The following STK32C variants were observed in gnomAD, a reference collection of about 807,000 sequenced individuals.
STK32C encodes serine/threonine-protein kinase 32C.
Under a neutral mutation model 56.5 loss-of-function variants are expected in STK32C, and 31 were observed. That is an observed-to-expected ratio of 0.55 (90% CI 0.41 to 0.74). The LOEUF is 0.74. STK32C is among the 30% of genes least tolerant of loss of function. The probability of loss-of-function intolerance (pLI) is 0.00; values close to 1 mark genes in which losing one functional copy is unlikely to be tolerated. For missense variants in STK32C, 544 were observed against 676.9 expected (o/e 0.80, Z 2.18); for synonymous variants, 309 against 289.4 (o/e 1.07, Z -0.69).
At chr10:132,223,683 C>T (rs1330375107) in intron 8 of STK32C, among the ~76,000 whole-genome samples, 5 of 152,192 alleles carry the variant, frequency 3.3e-5, no homozygotes, top group Non-Finnish European at 5.9e-5. Flanking sequence ...ATTTAGGCTG[C>T]TTGGCTACAA....
chr10:132,241,842 C>T (rs2063512660), intron 2 of STK32C, among the ~76,000 whole-genome samples: 2 of 152,174 alleles, frequency 1.3e-5, no homozygotes. Context: ...AGCAGCGGCT[C>T]ACAGCTGTAA....
intron 1 of STK32C, among the ~76,000 whole-genome samples, chr10:132,272,615 C>T (rs1183940149): frequency 1.3e-5 from 2 of 152,294 alleles, no homozygotes; most frequent in Middle Eastern, 3.4e-3. Context: ...TCCCAGACTC[C>T]GACCGCATCT....
Position 132,255,322 on chromosome 10 carries a change from C to T in STK32C, c.263-9367G>A, listed in dbSNP as rs1352518215. Among the ~76,000 whole-genome samples, 1 of 152,162 alleles carries T rather than the reference C, an allele frequency of 6.6e-6. No homozygotes were observed. Among genetic ancestry groups the T allele is most frequent in the African/African-American group, 2.4e-5 (1 of 41,434 alleles). Reference sequence around the variant, plus strand: ...AGAGTTGGAACCGGCCCGATAGCTCCTCCTGGCAATGGGTGCCCCCCACTC... The same window carrying T: ...AGAGTTGGAACCGGCCCGATAGCTCTTCCTGGCAATGGGTGCCCCCCACTC... On this transcript the variant is annotated intron_variant, in intron 1 of 11. Coordinates refer to ENST00000298630, the MANE Select transcript of STK32C (RefSeq NM_173575.4). This position sits in a 1 kb window ranked among gnomAD's most constrained non-coding sequence, Gnocchi z 4.6.
chr10:132,209,493 T>G, intron 10 of STK32C: 1 of 363,062 alleles, frequency 2.8e-6, no homozygotes, highest in Non-Finnish European at 5.4e-6. Flanking sequence ...GTCCCAGGCC[T>G]GCTTCTGGGG....
intron 1 of STK32C, among the ~76,000 whole-genome samples, chr10:132,258,539 G>A (rs1225724121): frequency 6.6e-6 from 1 of 152,216 alleles, no homozygotes; most frequent in African/African-American, 2.4e-5. Flanking sequence ...TGGAAGGACA[G>A]GTCCAATGCG....
At chr10:132,222,329 G>C (rs779550065) in intron 10 of STK32C, among the ~76,000 whole-genome samples, 5 of 152,048 alleles carry the variant, frequency 3.3e-5, no homozygotes, top group Non-Finnish European at 7.4e-5. Context: ...GAGTGTGAGG[G>C]CTTCACATAG....
rs1404470562 is a variant in STK32C, at chr10:132,307,537, C to G, written c.262+35G>C. On this transcript the variant is annotated intron_variant, in intron 1 of 11. Coordinates refer to ENST00000298630, the MANE Select transcript of STK32C (RefSeq NM_173575.4). This position sits in a 1 kb window ranked among gnomAD's most constrained non-coding sequence, Gnocchi z 4.4. ...AGCCGCGCCCGCCCCTGCAATAGCG[C>G]GCGGCCCCCACGTCGTCCCCGTGCC... 3.9e-6 allele frequency: 6 copies of G among 1,524,898 alleles called. No homozygotes were observed. The highest frequency in any genetic ancestry group is 2.3e-4 in the Middle Eastern group (1 of 4,424). The allele number at this position is 1,524,898 out of a possible 1,614,324, so 94.5% of individuals were successfully genotyped here. A position where few individuals can be genotyped will look rare whatever the true frequency, so the allele number is the denominator to read the frequency against.
At chr10:132,269,414 C>T (rs1457820481) in intron 1 of STK32C, among the ~76,000 whole-genome samples, 6 of 152,168 alleles carry the variant, frequency 3.9e-5, no homozygotes, top group Admixed American at 2.0e-4. Context: ...CTGGCCGCAC[C>T]GGATCTTCCC....
intron 2 of STK32C, among the ~76,000 whole-genome samples, chr10:132,229,601 T>C (rs775519598): frequency 6.6e-5 from 10 of 152,216 alleles, no homozygotes; most frequent in Non-Finnish European, 1.2e-4. Flanking sequence ...GATGTGGGTG[T>C]TTTGGAGGCC....
At chr10:132,320,622 G>T (rs1283591566), downstream of STK32C, among the ~76,000 whole-genome samples, 1 of 152,188 alleles carries the variant, frequency 6.6e-6, no homozygotes. Context: ...GCAGGCATTT[G>T]GGGGGCTAGG....
chr10:132,210,712 C>T (rs1025063923), intron 10 of STK32C, among the ~76,000 whole-genome samples: 4 of 152,256 alleles, frequency 2.6e-5, no homozygotes, highest in Non-Finnish European at 2.9e-5. Flanking sequence ...AAAGGACAAG[C>T]GGTCTCACCT....
chr10:132,254,800 G>A (rs531899143), intron 1 of STK32C, among the ~76,000 whole-genome samples: 6 of 151,638 alleles, frequency 4.0e-5, no homozygotes, highest in Non-Finnish European at 7.4e-5. Context: ...TGCACCCCAC[G>A]CGAAGGCTGT....
chr10:132,332,071 C>T (rs998946301), upstream of STK32C: 2 of 278,406 alleles, frequency 7.2e-6, no homozygotes, highest in Admixed American at 5.5e-5. Context: ...ACGCACACCC[C>T]CGCGCGCAGG....
chr10:132,321,328 A>C (rs1256559365), downstream of STK32C, among the ~76,000 whole-genome samples: 1 of 152,208 alleles, frequency 6.6e-6, no homozygotes, highest in African/African-American at 2.4e-5. Flanking sequence ...CCTGCAGAGT[A>C]AGAGGTAAAT....
chr10:132,291,295 A>G (rs1414697539), intron 1 of STK32C, among the ~76,000 whole-genome samples: 1 of 152,170 alleles, frequency 6.6e-6, no homozygotes, highest in Non-Finnish European at 1.5e-5. Context: ...CAGGCCACAC[A>G]GGTCCACAGG....
intron 2 of STK32C, among the ~76,000 whole-genome samples, chr10:132,244,956 G>A (rs976112273): frequency 1.3e-5 from 2 of 152,192 alleles, no homozygotes; most frequent in Non-Finnish European, 2.9e-5. Context: ...GGACTCAAAA[G>A]CACTCTCTTC....
At chr10:132,222,102 G>A (rs546305832) in intron 10 of STK32C, among the ~76,000 whole-genome samples, 7 of 136,168 alleles carry the variant, frequency 5.1e-5, no homozygotes, top group South Asian at 2.7e-4. Context: ...TCACATGGCC[G>A]TCCCCACACA....
At chr10:132,222,050 C>G (rs1402702685) in intron 10 of STK32C, among the ~76,000 whole-genome samples, 1 of 141,274 alleles carries the variant, frequency 7.1e-6, no homozygotes, top group Admixed American at 7.3e-5. Context: ...ATGGCCATCC[C>G]TGCACACACA....
intron 1 of STK32C, among the ~76,000 whole-genome samples, chr10:132,314,517 C>T (rs1040016814): frequency 6.6e-6 from 1 of 152,116 alleles, no homozygotes; most frequent in Non-Finnish European, 1.5e-5. Context: ...TTACAGTAAA[C>T]GTAAATGGAC....
Sources: gnomAD v4.1 joint callset for allele counts (sites outside exome capture counted in the v4.1 genomes callset) on GRCh38, gnomAD v4.1.1 for gene constraint, Gnocchi (gnomAD v3.1) non-coding constraint, MANE v1.5 for transcripts, NCBI Gene and HGNC (gene_info 2026-07-23, HGNC 2026-07-21) for gene names.